Variants in LAMB1 observed in about 807,000 individuals in gnomAD.
The protein encoded by LAMB1 is laminin subunit beta 1, also known as laminin subunit beta-1.
Under a neutral mutation model 222.3 loss-of-function variants are expected in LAMB1, and 121 were observed. That is an observed-to-expected ratio of 0.54 (90% CI 0.47 to 0.63). The LOEUF is 0.63. Among genes scored for constraint, LAMB1 ranks in the 30% least tolerant of loss-of-function variants. The pLI is 0.00. For missense variants in LAMB1, 2,172 were observed against 2,240.8 expected (o/e 0.97, Z 0.62); for synonymous variants, 794 against 807.2 (o/e 0.98, Z 0.28).
At position 107,923,981 on chromosome 7, in the gene LAMB1, C is replaced by T. The variant is rs2032491646; in HGVS notation, c.5331G>A (p.Gln1777=). 1 of 1,609,940 alleles carries T rather than the reference C, an allele frequency of 6.2e-7. No individual in the cohort carries two copies. The highest frequency in any genetic ancestry group is 8.5e-7 in the Non-Finnish European group (1 of 1,178,954). The stretch of plus-strand genomic sequence containing the variant: ...AGCATGTGCTATACACAGCAACTTT[C>T]TGGCTTATATCCTTTAGGAGTGAAC... The part of the protein sequence containing the change: ...EVRSLLKDIS[Q]KVAVYSTCL Residue 1777 remains glutamine, a synonymous_variant, in exon 34 of 34, where the codon CAG becomes CAA. Transcript: ENST00000222399.
At chr7:107,940,478 T>C in intron 24 of LAMB1, 120 bp from the exon 25 acceptor site, 2 of 1,060,434 alleles carry the variant, frequency 1.9e-6, no homozygotes, top group African/African-American at 1.6e-5. Flanking sequence ...TCGACAACAA[T>C]TGACCAATGG....
chr7:107,925,062 C>T (rs1383439997), intron 32 of LAMB1, among the ~76,000 whole-genome samples: 1 of 152,120 alleles, frequency 6.6e-6, no homozygotes, highest in Admixed American at 6.6e-5. Context: ...CAGGAAACCA[C>T]ACAAACCAAA....
chr7:107,955,118 A>G (rs190422701), intron 21 of LAMB1, among the ~76,000 whole-genome samples: 24 of 152,328 alleles, frequency 1.6e-4, no homozygotes, highest in Admixed American at 2.0e-4. Flanking sequence ...CTATTTGGTA[A>G]CCTCACAGCT....
At chr7:107,943,213 A>T (rs1310343603) in intron 24 of LAMB1, among the ~76,000 whole-genome samples, 3 of 152,236 alleles carry the variant, frequency 2.0e-5, no homozygotes, top group Admixed American at 2.0e-4. Flanking sequence ...ATTAAAAACA[A>T]GTGTCAGCAT....
chr7:107,951,948 A>AC, intron 23 of LAMB1, 61 bp downstream of exon 23: 8 of 1,442,136 alleles, frequency 5.5e-6, no homozygotes, highest in Non-Finnish European at 7.6e-6. Flanking sequence ...AACTGGGGCA[A>AC]AGTCACCATG....
At chr7:107,941,349 CATCTT>C (rs2032977153) in intron 24 of LAMB1, among the ~76,000 whole-genome samples, 2 of 152,326 alleles carry the variant, frequency 1.3e-5, no homozygotes, top group African/African-American at 4.8e-5. Context: ...CTTATGCTAA[CATCTT>C]ATCGCTGGGC....
At chr7:107,965,953 C>A (rs1476191056) in intron 13 of LAMB1, among the ~76,000 whole-genome samples, 1 of 151,772 alleles carries the variant, frequency 6.6e-6, no homozygotes, top group Non-Finnish European at 1.5e-5. Flanking sequence ...AAAAAATTAG[C>A]CAGGTGTAGG....
At chr7:107,959,197 G>A in intron 20 of LAMB1, 52 bp downstream of exon 20, 1 of 1,453,376 alleles carries the variant, frequency 6.9e-7, no homozygotes, top group Non-Finnish European at 9.6e-7. Context: ...CTAAGATGCT[G>A]TCTGCTCAGC....
chr7:107,995,678 T>G (rs1009435449), intron 4 of LAMB1, among the ~76,000 whole-genome samples: 6 of 152,102 alleles, frequency 3.9e-5, no homozygotes, highest in African/African-American at 7.2e-5. Flanking sequence ...CTTAAACACG[T>G]TAAAAAGGCC....
At chr7:107,955,104 A>AAAGAAGAAC (rs1661338348) in intron 21 of LAMB1, among the ~76,000 whole-genome samples, 1 of 152,206 alleles carries the variant, frequency 6.6e-6, no homozygotes, top group African/African-American at 2.4e-5. Context: ...CTTTCTTCTG[A>AAAGAAGAAC]CTACTATTTG....
intron 13 of LAMB1, among the ~76,000 whole-genome samples, chr7:107,968,339 A>T (rs186813379): frequency 1.3e-5 from 2 of 152,328 alleles, no homozygotes; most frequent in East Asian, 3.9e-4. Context: ...AATTTCATTA[A>T]ATCAGTAAGG....
chr7:107,959,106 A>G (rs1438737186), intron 20 of LAMB1, 143 bp downstream of exon 20: 4 of 710,596 alleles, frequency 5.6e-6, no homozygotes, highest in Admixed American at 2.4e-5. Flanking sequence ...TGGATAAACA[A>G]ACAAGATCCT....
intron 24 of LAMB1, among the ~76,000 whole-genome samples, chr7:107,946,327 G>GTAA (rs2033115058): frequency 6.6e-6 from 1 of 152,074 alleles, no homozygotes; most frequent in Non-Finnish European, 1.5e-5. Context: ...TTTGGCCTCA[G>GTAA]TAATATAGGT....
rs776121506 is a variant in LAMB1, at chr7:108,001,594, G to T, written c.177C>A (p.His59Gln). The stretch of plus-strand genomic sequence containing the variant: ...TGACGATACAGTAGGGTTCGGGCTT[G>T]TGCAGCCCGCACGTCGAGGTCACCG... Reference protein sequence around the residue: ...KLSVTSTCGLHKPEPYCIVSH... With the variant: ...KLSVTSTCGLQKPEPYCIVSH... The change falls in exon 3 of 34, where the codon CAC (histidine) becomes CAA (glutamine). Residue 59 changes from histidine (H) to glutamine (Q), a missense_variant. Transcript: ENST00000222399. 6.2e-7 allele frequency: 1 copy of T among 1,612,718 alleles called. No individual in the cohort carries two copies. Among genetic ancestry groups the T allele is most frequent in the Admixed American group, 1.7e-5 (1 of 59,924 alleles).
chr7:107,951,915 T>C, intron 23 of LAMB1, 94 bp downstream of exon 23: 1 of 1,042,034 alleles, frequency 9.6e-7, no homozygotes, highest in Non-Finnish European at 1.4e-6. Flanking sequence ...TGTTTCAAGC[T>C]GTGTGCCCTG....
chr7:107,984,530 G>A (rs1022486722), intron 7 of LAMB1, among the ~76,000 whole-genome samples: 3 of 152,170 alleles, frequency 2.0e-5, no homozygotes, highest in Non-Finnish European at 4.4e-5. Context: ...ATTACGGAGT[G>A]AGCCTCCACG....
At chr7:107,935,067 T>G (rs565374665) in intron 27 of LAMB1, among the ~76,000 whole-genome samples, 1 of 151,690 alleles carries the variant, frequency 6.6e-6, no homozygotes, top group Non-Finnish European at 1.5e-5. Flanking sequence ...GGAAAAAAAA[T>G]ATTAAAGAAA....
At chr7:107,973,319 A>C (rs1234053968) in intron 12 of LAMB1, among the ~76,000 whole-genome samples, 1 of 152,194 alleles carries the variant, frequency 6.6e-6, no homozygotes, top group Non-Finnish European at 1.5e-5. Flanking sequence ...TGCCCTATAG[A>C]TAACCTCCAT....
intron 3 of LAMB1, 23 bp downstream of exon 3, chr7:108,001,535 C>T (rs1222316224): frequency 6.4e-7 from 1 of 1,568,316 alleles, no homozygotes; most frequent in South Asian, 1.2e-5. Context: ...AGCAGAGCCT[C>T]GAACCCCGCT....
Sources: gnomAD v4.1 joint callset for allele counts (sites outside exome capture counted in the v4.1 genomes callset) on GRCh38, gnomAD v4.1.1 for gene constraint, MANE v1.5 for transcripts, NCBI Gene and HGNC (gene_info 2026-07-23, HGNC 2026-07-21) for gene names.